C8orf34: variants seen among roughly 807,000 people sequenced by gnomAD.
C8orf34 encodes the protein chromosome 8 open reading frame 34.
In C8orf34, 65 loss-of-function variants were observed where a neutral mutation model predicts 68.3. The observed-to-expected ratio is 0.95, with a 90% confidence interval of 0.78 to 1.17. The LOEUF (loss-of-function observed/expected upper bound fraction) is 1.17. C8orf34 is among the 50% of genes most tolerant of loss of function. The pLI is 0.00. For synonymous variants in C8orf34, 244 were observed against 241.2 expected (o/e 1.01, Z -0.11); for missense variants, 664 against 655.4 (o/e 1.01, Z -0.14).
At chr8:68,799,317 C>T (rs1198561601) in intron 12 of C8orf34, among the ~76,000 whole-genome samples, 4 of 152,220 alleles carry the variant, frequency 2.6e-5, no homozygotes, top group Non-Finnish European at 4.4e-5. Flanking sequence ...CCTTGATGGA[C>T]GTAGGTTATA....
intron 4 of C8orf34, among the ~76,000 whole-genome samples, chr8:68,487,568 C>A (rs886488530): frequency 1.3e-5 from 2 of 152,172 alleles, no homozygotes; most frequent in Non-Finnish European, 2.9e-5. Flanking sequence ...TCATCTATTT[C>A]CTCATCCACA....
intron 3 of C8orf34, among the ~76,000 whole-genome samples, chr8:68,461,935 T>C (rs1168065116): frequency 6.6e-6 from 1 of 152,078 alleles, no homozygotes; most frequent in African/African-American, 2.4e-5. Context: ...AATTCACACA[T>C]AACAATATTA....
intron 7 of C8orf34, among the ~76,000 whole-genome samples, chr8:68,575,012 T>C (rs1440171070): frequency 2.0e-5 from 3 of 152,090 alleles, no homozygotes; most frequent in Admixed American, 6.6e-5. Context: ...TAAATATTAA[T>C]GCCATGGCTA....
At chr8:68,736,210 A>C (rs150471317) in intron 10 of C8orf34, among the ~76,000 whole-genome samples, 1 of 152,212 alleles carries the variant, frequency 6.6e-6, no homozygotes, top group Non-Finnish European at 1.5e-5. Flanking sequence ...ATGTGTTTTC[A>C]TACTGTCAGT....
At chr8:68,504,015 C>T (rs1397355628) in intron 5 of C8orf34, among the ~76,000 whole-genome samples, 1 of 152,136 alleles carries the variant, frequency 6.6e-6, no homozygotes, top group Admixed American at 6.5e-5. Flanking sequence ...GCAATCATCA[C>T]CACAACCTAA....
chr8:68,810,604 C>A (rs1449500393), intron 12 of C8orf34, among the ~76,000 whole-genome samples: 4 of 152,148 alleles, frequency 2.6e-5, no homozygotes, highest in African/African-American at 9.7e-5. Flanking sequence ...TGGGGGGTTG[C>A]AAGTTCTTGT....
intron 1 of C8orf34, among the ~76,000 whole-genome samples, chr8:68,429,775 A>G (rs1277973252): frequency 6.6e-6 from 1 of 152,234 alleles, no homozygotes; most frequent in Non-Finnish European, 1.5e-5. Flanking sequence ...CACAGGAATG[A>G]GCAAAACAAA....
At chr8:68,756,142 G>A (rs1433607188) in intron 10 of C8orf34, among the ~76,000 whole-genome samples, 1 of 151,664 alleles carries the variant, frequency 6.6e-6, no homozygotes, top group African/African-American at 2.4e-5. Context: ...TATGAGAGCC[G>A]CCAGTGGCCT....
At chr8:68,633,010 T>C (rs1818736721) in intron 7 of C8orf34, among the ~76,000 whole-genome samples, 1 of 152,200 alleles carries the variant, frequency 6.6e-6, no homozygotes, top group South Asian at 2.1e-4. Context: ...CTGCAGGAAA[T>C]GGCTTCAGAT....
At chr8:68,775,070 G>GAAA (rs35109353) in intron 10 of C8orf34, among the ~76,000 whole-genome samples, 5 of 124,258 alleles carry the variant, frequency 4.0e-5, no homozygotes, top group East Asian at 2.2e-4. Flanking sequence ...GTAAGCCCAG[G>GAAA]AAAAAAAAAA....
intron 10 of C8orf34, among the ~76,000 whole-genome samples, chr8:68,734,646 A>G (rs1340507469): frequency 1.3e-5 from 2 of 152,050 alleles, no homozygotes; most frequent in African/African-American, 2.4e-5. Flanking sequence ...ACAGGATATC[A>G]CCACTGTTTC....
At chr8:68,577,432 T>C (rs2130319137) in intron 7 of C8orf34, among the ~76,000 whole-genome samples, 1 of 152,108 alleles carries the variant, frequency 6.6e-6, no homozygotes, top group African/African-American at 2.4e-5. Context: ...TGCATATTAC[T>C]TTTACCATTT....
chr8:68,675,750 AATAGC>A (rs1407545271), intron 8 of C8orf34, among the ~76,000 whole-genome samples: 1 of 152,244 alleles, frequency 6.6e-6, no homozygotes, highest in Non-Finnish European at 1.5e-5. Context: ...ACTTATCAAT[AATAGC>A]ATTGAATGTA....
intron 1 of C8orf34, among the ~76,000 whole-genome samples, chr8:68,348,763 A>G (rs531815060): frequency 6.6e-6 from 1 of 151,698 alleles, no homozygotes; most frequent in Admixed American, 6.6e-5. Flanking sequence ...TTTGATTATC[A>G]GTTTGGCTGT....
intron 12 of C8orf34, among the ~76,000 whole-genome samples, chr8:68,793,913 T>A (rs1276313524): frequency 6.6e-6 from 1 of 152,134 alleles, no homozygotes; most frequent in African/African-American, 2.4e-5. Flanking sequence ...ATGGTACGTA[T>A]AAAAATGTAT....
At position 68,688,300 on chromosome 8, in the gene C8orf34, A is replaced by G. The variant is rs111451651; in HGVS notation, c.1242-20694A>G. Among the ~76,000 whole-genome samples, 896 of 152,210 alleles carry G rather than the reference A, an allele frequency of 5.9e-3. 13 individuals are homozygous for G. Among genetic ancestry groups the G allele is most frequent in the African/African-American group, 0.02 (851 of 41,548 alleles). On this transcript the variant is annotated intron_variant, in intron 8 of 13. Coordinates refer to ENST00000518698, the MANE Select transcript of C8orf34 (RefSeq NM_052958.4). The stretch of plus-strand genomic sequence containing the variant: ...AAGTAATTATATGAAGAAGACACAT[A>G]CACTCACGTTTATTGCAGCACAATT...
At chr8:68,386,979 T>A (rs1808288691) in intron 1 of C8orf34, among the ~76,000 whole-genome samples, 1 of 151,938 alleles carries the variant, frequency 6.6e-6, no homozygotes, top group Admixed American at 6.6e-5. Context: ...GGGAAAGGCA[T>A]TAAGTTTCTT....
intron 7 of C8orf34, among the ~76,000 whole-genome samples, chr8:68,600,296 T>G (rs114047469): frequency 6.6e-6 from 1 of 152,176 alleles, no homozygotes; most frequent in African/African-American, 2.4e-5. Flanking sequence ...TTGCCTTAAC[T>G]TAATTCCCCT....
chr8:68,521,877 G>C lies in C8orf34; in HGVS notation c.844G>C (p.Asp282His). The C allele has an allele frequency of 6.2e-7, 1 of 1,614,056 alleles. No homozygotes were observed. ...EWIGREENDA[D>H]PLAAEMLQPP... is the part of the protein sequence containing the mutation. ...GATTGGTAGAGAAGAAAATGATGCT[G>C]ATCCCCTAGCTGCTGAAATGCTACA... Residue 282 changes from aspartate to histidine, a missense_variant, in exon 6 of 14, where the codon GAT (aspartate) becomes CAT (histidine). By Grantham distance (81) the Asp-to-His change is moderately conservative (BLOSUM62 -1). Transcript: ENST00000518698.
Sources: gnomAD v4.1 joint callset for allele counts (sites outside exome capture counted in the v4.1 genomes callset) on GRCh38, gnomAD v4.1.1 for gene constraint, MANE v1.5 for transcripts, NCBI Gene and HGNC (gene_info 2026-07-23, HGNC 2026-07-21) for gene names.